The following TMEM132C variants were observed in gnomAD, a reference collection of about 807,000 sequenced individuals.
TMEM132C encodes protein phosphatase 1, regulatory subunit 152.
In TMEM132C, 29 loss-of-function variants were observed where a neutral mutation model predicts 61.4. The ratio of observed to expected loss-of-function variants is 0.47; its 90% CI spans 0.35 to 0.64. The LOEUF (loss-of-function observed/expected upper bound fraction) is 0.64. Among genes scored for constraint, TMEM132C ranks in the 30% least tolerant of loss-of-function variants. The probability of loss-of-function intolerance (pLI) is 0.00; values close to 1 mark genes in which losing one functional copy is unlikely to be tolerated. For synonymous variants in TMEM132C, 656 were observed against 633.1 expected (o/e 1.04, Z -0.54); for missense variants, 1,408 against 1,476.9 (o/e 0.95, Z 0.76).
At chr12:128,343,850 C>T (rs1219921254) in intron 1 of TMEM132C, among the ~76,000 whole-genome samples, 1 of 152,132 alleles carries the variant, frequency 6.6e-6, no homozygotes, top group Non-Finnish European at 1.5e-5. Context: ...TGAAACCATA[C>T]AATATACATA....
intron 3 of TMEM132C, among the ~76,000 whole-genome samples, chr12:128,547,723 C>T (rs1402962318): frequency 1.3e-5 from 2 of 152,286 alleles, no homozygotes; most frequent in East Asian, 3.9e-4. Flanking sequence ...CCTAGGGAGA[C>T]ATAAATAGTT....
At chr12:128,525,004 C>T in intron 2 of TMEM132C, among the ~76,000 whole-genome samples, 1 of 152,170 alleles carries the variant, frequency 6.6e-6, no homozygotes, top group East Asian at 1.9e-4. Flanking sequence ...CTGGAAGGAT[C>T]CCGCCAGGAT....
At chr12:128,464,714 A>T (rs1870662178) in intron 2 of TMEM132C, among the ~76,000 whole-genome samples, 1 of 151,644 alleles carries the variant, frequency 6.6e-6, no homozygotes, top group Non-Finnish European at 1.5e-5. Context: ...TCAGTGAGTT[A>T]TGATTATGCT....
intron 4 of TMEM132C, among the ~76,000 whole-genome samples, chr12:128,663,583 A>G (rs1470030146): frequency 1.3e-5 from 2 of 152,180 alleles, no homozygotes; most frequent in African/African-American, 2.4e-5. Context: ...CTCCCCTAAC[A>G]TATTTCAGTC....
At position 128,414,793 on chromosome 12, in the gene TMEM132C, A is replaced by C. The variant is rs1465614352; in HGVS notation, c.147A>C (p.Leu49=). The change falls in exon 2 of 9, where the codon CTA becomes CTC. Residue 49 remains leucine, a synonymous_variant. Coordinates refer to ENST00000435159, the MANE Select transcript of TMEM132C (RefSeq NM_001136103.3). ...IQRFSSLPPY[L]PVSYHILRAE... The stretch of plus-strand genomic sequence containing the variant: ...GATTCTCCTCACTGCCACCTTACCT[A>C]CCTGTGAGCTACCACATCCTCAGAG... The C allele has an allele frequency of 6.5e-7, 1 of 1,541,100 alleles. No individual in the cohort carries two copies.
Position 128,705,627 on chromosome 12 carries a change from A to G in TMEM132C, c.2659A>G (p.Asn887Asp), listed in dbSNP as rs1954832743. The G allele has an allele frequency of 6.4e-7, 1 of 1,550,858 alleles. No individual in the cohort carries two copies. Among genetic ancestry groups the G allele is most frequent in the Non-Finnish European group, 8.7e-7 (1 of 1,146,982 alleles). Residue 887 changes from asparagine (N) to aspartate (D), a missense_variant, in exon 9 of 9, where the codon AAC becomes GAC. Asn to Asp is a conservative substitution (Grantham distance 23). Transcript: ENST00000435159. ...GCTGGCAGGAGAGGGGCAGCTGCAG[A>G]ACATCCCCATTGACTTCACCAACTT... ...GRLAGEGQLQ[N>D]IPIDFTNFPA...
intron 1 of TMEM132C, among the ~76,000 whole-genome samples, chr12:128,272,946 A>G (rs1345458585): frequency 6.6e-6 from 1 of 152,170 alleles, no homozygotes; most frequent in East Asian, 1.9e-4. Flanking sequence ...TTCTCTGAGT[A>G]TGTGTCTTTG....
In TMEM132C at chr12:128,616,252, C is replaced by T. The variant is rs1876796561; in HGVS notation, c.1222C>T (p.Pro408Ser). ...GCCCATCACGTGGCAGGTGGAGTAC[C>T]CACGGAAGGGGACCACAGACATCGC... The part of the protein sequence containing the change: ...TQPITWQVEY[P>S]RKGTTDIAVS... Residue 408 changes from proline to serine, a missense_variant, in exon 4 of 9, where the codon CCA becomes TCA. Coordinates refer to ENST00000435159, the MANE Select transcript of TMEM132C (RefSeq NM_001136103.3). 6.4e-7 allele frequency: 1 copy of T among 1,551,642 alleles called. No homozygotes were observed.
chr12:128,491,823 T>C (rs947004403), intron 2 of TMEM132C, among the ~76,000 whole-genome samples: 1 of 151,234 alleles, frequency 6.6e-6, no homozygotes, highest in African/African-American at 2.4e-5. Flanking sequence ...ATGGACCACT[T>C]GCCAGTGACC....
chr12:128,296,171 T>C (rs1871408672), intron 1 of TMEM132C, among the ~76,000 whole-genome samples: 1 of 152,232 alleles, frequency 6.6e-6, no homozygotes, highest in South Asian at 2.1e-4. Flanking sequence ...ACTCAGGGCC[T>C]ATCCAGCATT....
intron 3 of TMEM132C, among the ~76,000 whole-genome samples, chr12:128,599,082 T>C (rs911145049): frequency 2.0e-5 from 3 of 152,092 alleles, no homozygotes; most frequent in Non-Finnish European, 4.4e-5. Context: ...CTTCTGATGG[T>C]GTCACAGGCA....
intron 5 of TMEM132C, among the ~76,000 whole-genome samples, chr12:128,689,804 C>CT (rs1954705188): frequency 6.6e-6 from 1 of 152,192 alleles, no homozygotes; most frequent in Admixed American, 6.5e-5. Context: ...GCAACAGCAT[C>CT]CGCAGCCGCT....
chr12:128,474,448 G>A (rs558553098), intron 2 of TMEM132C, among the ~76,000 whole-genome samples: 2 of 152,264 alleles, frequency 1.3e-5, no homozygotes, highest in East Asian at 3.9e-4. Context: ...TCACACCTAG[G>A]GGTGTCATTG....
intron 4 of TMEM132C, among the ~76,000 whole-genome samples, chr12:128,659,993 G>A (rs1220087814): frequency 6.6e-6 from 1 of 152,234 alleles, no homozygotes; most frequent in African/African-American, 2.4e-5. Flanking sequence ...GAATTTGAGT[G>A]AGTTAGTTGG....
intron 4 of TMEM132C, among the ~76,000 whole-genome samples, chr12:128,668,706 G>A (rs1954501693): frequency 6.6e-6 from 1 of 152,138 alleles, no homozygotes; most frequent in Non-Finnish European, 1.5e-5. Flanking sequence ...AAGTTAAGAT[G>A]TTGGCAGGGC....
At chr12:128,688,340 C>T (rs761810508) in intron 5 of TMEM132C, among the ~76,000 whole-genome samples, 5 of 152,132 alleles carry the variant, frequency 3.3e-5, no homozygotes, top group South Asian at 4.1e-4. Flanking sequence ...TTGGATGAGC[C>T]GCAGCCATGG....
chr12:128,671,331 A>G (rs909240977), intron 5 of TMEM132C, among the ~76,000 whole-genome samples: 1 of 152,202 alleles, frequency 6.6e-6, no homozygotes, highest in Non-Finnish European at 1.5e-5. Flanking sequence ...GGTGTTTCCC[A>G]TCATTAGTCA....
intron 1 of TMEM132C, among the ~76,000 whole-genome samples, chr12:128,373,942 AG>A (rs757851580): frequency 1.3e-5 from 2 of 152,358 alleles, no homozygotes; most frequent in Non-Finnish European, 2.9e-5. Context: ...GGCTTCAGTC[AG>A]GCGAGTAGTG....
At chr12:128,580,624 A>G (rs1273680839) in intron 3 of TMEM132C, among the ~76,000 whole-genome samples, 1 of 152,332 alleles carries the variant, frequency 6.6e-6, no homozygotes, top group East Asian at 1.9e-4. Context: ...CATTTTATCT[A>G]AAAACCTGAA....
Sources: gnomAD v4.1 joint callset for allele counts (sites outside exome capture counted in the v4.1 genomes callset) on GRCh38, gnomAD v4.1.1 for gene constraint, MANE v1.5 for transcripts, NCBI Gene and HGNC (gene_info 2026-07-23, HGNC 2026-07-21) for gene names.